Variants in MAP3K7CL observed in about 807,000 individuals in gnomAD.
The protein encoded by MAP3K7CL is MAP3K7 C-terminal like, also known as MAP3K7 C-terminal-like protein.
Under a neutral mutation model 18.6 loss-of-function variants are expected in MAP3K7CL, and 16 were observed. The ratio of observed to expected loss-of-function variants is 0.86; its 90% CI spans 0.58 to 1.31. MAP3K7CL has a LOEUF of 1.31. MAP3K7CL is among the 50% of genes most tolerant of loss of function. The probability of loss-of-function intolerance (pLI) is 0.00; values close to 1 mark genes in which losing one functional copy is unlikely to be tolerated. For missense variants in MAP3K7CL, 163 were observed against 174.4 expected, an observed-to-expected ratio of 0.93 and a Z score of 0.37; for synonymous variants, 65 against 66.8, an observed-to-expected ratio of 0.97 and a Z score of 0.13.
chr21:29,132,779 G>C (rs2086804039), intron 1 of MAP3K7CL, among the ~76,000 whole-genome samples: 1 of 151,998 alleles, frequency 6.6e-6, no homozygotes, highest in Non-Finnish European at 1.5e-5. Flanking sequence ...CAAAGTGTTG[G>C]GGTTACAGGC....
chr21:29,092,744 C>A (rs2086051761), intron 4 of MAP3K7CL, among the ~76,000 whole-genome samples: 1 of 152,230 alleles, frequency 6.6e-6, no homozygotes, highest in Admixed American at 6.5e-5. Context: ...CTATCTCCTT[C>A]AGTCAATGTG....
intron 4 of MAP3K7CL, among the ~76,000 whole-genome samples, chr21:29,094,682 C>G (rs2086090158): frequency 6.6e-6 from 1 of 152,170 alleles, no homozygotes. Context: ...AAGGCAAGCT[C>G]CATGGAAGGA....
chr21:29,166,205 A>C (rs1395894768), intron 4 of MAP3K7CL, among the ~76,000 whole-genome samples: 1 of 151,976 alleles, frequency 6.6e-6, no homozygotes, highest in African/African-American at 2.4e-5. Flanking sequence ...TCTACTCTCT[A>C]CATCAATGAG....
upstream of MAP3K7CL, chr21:29,130,406 G>T: frequency 5.7e-6 from 1 of 174,534 alleles, no homozygotes; most frequent in Non-Finnish European, 1.1e-5. Context: ...TGAGCTGATT[G>T]GAGCGGCCGA....
upstream of MAP3K7CL, among the ~76,000 whole-genome samples, chr21:29,126,616 G>A (rs1425830460): frequency 2.0e-5 from 3 of 152,018 alleles, no homozygotes; most frequent in African/African-American, 4.8e-5. Context: ...TCGCCACCAC[G>A]CCTGGCTAAT....
intron 4 of MAP3K7CL, among the ~76,000 whole-genome samples, chr21:29,173,536 A>G (rs1207665455): frequency 1.3e-5 from 2 of 152,206 alleles, no homozygotes; most frequent in Non-Finnish European, 2.9e-5. Context: ...GTCATTTACC[A>G]ACTGTTTTTT....
At chr21:29,151,062 G>T (rs559579943) in intron 3 of MAP3K7CL, among the ~76,000 whole-genome samples, 1 of 151,694 alleles carries the variant, frequency 6.6e-6, no homozygotes, top group Non-Finnish European at 1.5e-5. Flanking sequence ...GAGCCACGGC[G>T]CCTGGCCTGC....
At chr21:29,138,781 C>G (rs539559797) in intron 2 of MAP3K7CL, among the ~76,000 whole-genome samples, 1 of 152,130 alleles carries the variant, frequency 6.6e-6, no homozygotes, top group South Asian at 2.1e-4. Context: ...CAGGCAAGAC[C>G]AGCCTGGGCA....
intron 2 of MAP3K7CL, among the ~76,000 whole-genome samples, chr21:29,134,899 A>C (rs574601675): frequency 3.3e-5 from 5 of 152,188 alleles, no homozygotes; most frequent in Middle Eastern, 6.8e-3. Flanking sequence ...AATACAAAAA[A>C]AATTAGCTGG....
intron 4 of MAP3K7CL, among the ~76,000 whole-genome samples, chr21:29,167,303 A>G (rs530369476): frequency 6.6e-6 from 1 of 152,326 alleles, no homozygotes; most frequent in South Asian, 2.1e-4. Context: ...CAGGCAAAAC[A>G]TCAGAAAGGG....
intron 3 of MAP3K7CL, among the ~76,000 whole-genome samples, chr21:29,154,134 A>G (rs2087343430): frequency 6.6e-6 from 1 of 152,218 alleles, no homozygotes; most frequent in Non-Finnish European, 1.5e-5. Context: ...AGATAATGAT[A>G]TCAATCTCAC....
chr21:29,136,209 GCTTTGCAGATATTTGGGACACTCC>G (rs2086881762), intron 2 of MAP3K7CL, among the ~76,000 whole-genome samples: 1 of 152,222 alleles, frequency 6.6e-6, no homozygotes, highest in African/African-American at 2.4e-5. Flanking sequence ...ACAAAAAGAT[GCTTTGCAGATATTTGGGACACTCC>G]CTTTAAATTC....
At chr21:29,159,133 C>T (rs1006009439) in intron 3 of MAP3K7CL, among the ~76,000 whole-genome samples, 2 of 152,078 alleles carry the variant, frequency 1.3e-5, no homozygotes, top group Non-Finnish European at 2.9e-5. Context: ...GTTGACCAGG[C>T]TGGTCTCGAA....
rs1231385633 is a variant in MAP3K7CL at position 29,159,959 on chromosome 21, G to T, written c.151G>T (p.Asp51Tyr). 1.2e-6 allele frequency: 2 copies of T among 1,613,802 alleles called. No individual in the cohort carries two copies. Among genetic ancestry groups the T allele is most frequent in the Non-Finnish European group, 1.7e-6 (2 of 1,179,784 alleles). Residue 51 changes from aspartate (D) to tyrosine (Y), a missense_variant, in exon 4 of 5, where the codon GAC becomes TAC. Physicochemically the swap from Asp to Tyr is radical, Grantham distance 160. Transcript: ENST00000399928. ...QQLQPLPPCH[D>Y]SEESMEVFKQ... The stretch of plus-strand genomic sequence containing the variant: ...TGTGAAGCCCCTGCCGCCTTGTCAT[G>T]ACTCCGAGGAATCCATGGAGGTGTT...
chr21:29,167,662 G>C (rs971109483), intron 4 of MAP3K7CL, among the ~76,000 whole-genome samples: 4 of 151,584 alleles, frequency 2.6e-5, no homozygotes, highest in African/African-American at 9.7e-5. Context: ...TCAGGCAGGG[G>C]ACTGTACCAA....
upstream of MAP3K7CL, among the ~76,000 whole-genome samples, chr21:29,082,221 A>G (rs2085848016): frequency 6.6e-6 from 1 of 152,182 alleles, no homozygotes; most frequent in Non-Finnish European, 1.5e-5. Context: ...ATTTCCTAAT[A>G]TTATGTAAAG....
rs1287415073 is a variant in MAP3K7CL at position 29,130,776 on chromosome 21, A to G, written c.-187A>G. On this transcript the variant is annotated 5_prime_UTR_variant, in exon 1 of 5. Transcript: ENST00000399928. ...GCAGGTAGCAGCGTGCTGCCCTGAC[A>G]GCTGTCTCCGCTCCTCAGATTGTCA... The G allele has an allele frequency of 1.0e-6, 1 of 985,440 alleles. No homozygotes were observed. Among genetic ancestry groups the G allele is most frequent in the Admixed American group, 6.1e-5 (1 of 16,266 alleles). 61.0% of individuals were successfully genotyped at this position (985,440 alleles called of 1,614,324 possible). A position where few individuals can be genotyped will look rare whatever the true frequency, so the allele number is the denominator to read the frequency against.
At chr21:29,138,138 C>A (rs1568956367) in intron 2 of MAP3K7CL, among the ~76,000 whole-genome samples, 1 of 152,068 alleles carries the variant, frequency 6.6e-6, no homozygotes, top group East Asian at 1.9e-4. Context: ...TCCAGAGGTC[C>A]TTAAATAAAG....
At chr21:29,137,437 A>T (rs1468845247) in intron 2 of MAP3K7CL, among the ~76,000 whole-genome samples, 1 of 152,198 alleles carries the variant, frequency 6.6e-6, no homozygotes, top group African/African-American at 2.4e-5. Flanking sequence ...CAGAGCAGTT[A>T]GTAATTGCTT....
Sources: allele counts gnomAD v4.1 joint callset (sites outside exome capture counted in the v4.1 genomes callset), GRCh38; gene constraint gnomAD v4.1.1; transcripts MANE v1.5; gene names NCBI Gene and HGNC (gene_info 2026-07-23, HGNC 2026-07-21).